Variants in PBX3 observed in about 807,000 individuals in gnomAD.
PBX3 encodes the protein pre-B-cell leukemia transcription factor 3.
A neutral mutation model predicts 48.5 loss-of-function variants in PBX3; 14 were observed. That is an observed-to-expected ratio of 0.29 (90% confidence interval 0.19 to 0.45). The LOEUF (loss-of-function observed/expected upper bound fraction) is 0.45. Ranked by LOEUF, PBX3 falls within the 20% of genes least tolerant of loss-of-function variation. PBX3 has a pLI of 1.00. For synonymous variants in PBX3, 210 were observed against 200.3 expected, an observed-to-expected ratio of 1.05 and a Z score of -0.41; for missense variants, 386 against 546.7, an observed-to-expected ratio of 0.71 and a Z score of 2.93.
intron 8 of PBX3, among the ~76,000 whole-genome samples, chr9:125,963,482 C>G (rs1170908745): frequency 6.6e-6 from 1 of 152,186 alleles, no homozygotes; most frequent in Non-Finnish European, 1.5e-5. Context: ...GAATCCCAGG[C>G]AGACCAGCAA....
rs576730363 is a variant in PBX3, at chr9:125,867,835, T to C, written c.275-47851T>C. 4.9e-3 allele frequency among the ~76,000 whole-genome samples: 728 copies of C among 149,072 alleles called. 1 individual carries two copies. The highest frequency in any genetic ancestry group is 0.021 in the Middle Eastern group (6 of 290). Reference sequence around the variant, plus strand: ...ATATATATACACATACATATATATATACACACACACACATACATATATTTG... The same window carrying C: ...ATATATATACACATACATATATATACACACACACACACATACATATATTTG... On this transcript the variant is annotated intron_variant, in intron 2 of 8. Coordinates refer to ENST00000373489, the MANE Select transcript of PBX3 (RefSeq NM_006195.6).
intron 2 of PBX3, among the ~76,000 whole-genome samples, chr9:125,821,185 T>A (rs1410825229): frequency 3.9e-5 from 6 of 152,130 alleles, no homozygotes; most frequent in African/African-American, 1.4e-4. Flanking sequence ...CTTTTTATAG[T>A]ACCAGTATAT....
chr9:125,771,298 T>C (rs1187075127), intron 2 of PBX3, among the ~76,000 whole-genome samples: 1 of 152,244 alleles, frequency 6.6e-6, no homozygotes, highest in African/African-American at 2.4e-5. Flanking sequence ...CAAACAATGC[T>C]GTAAACTTTA....
intron 2 of PBX3, among the ~76,000 whole-genome samples, chr9:125,789,783 T>C (rs558310886): frequency 6.6e-5 from 10 of 152,282 alleles, no homozygotes; most frequent in Admixed American, 5.2e-4. Flanking sequence ...ATCCATTTTA[T>C]TATTTAATAG....
At chr9:125,776,090 T>C (rs975260496) in intron 2 of PBX3, among the ~76,000 whole-genome samples, 1 of 152,232 alleles carries the variant, frequency 6.6e-6, no homozygotes, top group African/African-American at 2.4e-5. Flanking sequence ...TATTTCTTCT[T>C]CTTTCCTCAA....
chr9:125,955,188 G>GTTTCAGCTCTGTCTCCA (rs371277369), intron 5 of PBX3, among the ~76,000 whole-genome samples: 4 of 152,286 alleles, frequency 2.6e-5, no homozygotes, highest in South Asian at 4.1e-4. Flanking sequence ...CTCAGGCTCC[G>GTTTCAGCTCTGTCTCCA]TTTCAGCTCT....
At chr9:125,894,460 A>G (rs1185150154) in intron 2 of PBX3, among the ~76,000 whole-genome samples, 1 of 152,058 alleles carries the variant, frequency 6.6e-6, no homozygotes, top group Non-Finnish European at 1.5e-5. Flanking sequence ...TCCTATTAAG[A>G]TATGCATTTG....
intron 5 of PBX3, among the ~76,000 whole-genome samples, chr9:125,954,496 G>A (rs934159105): frequency 4.6e-5 from 7 of 152,098 alleles, no homozygotes; most frequent in African/African-American, 7.2e-5. Flanking sequence ...AGAACAAAAA[G>A]AAGAGCATAA....
At chr9:125,924,507 A>G (rs1321597516) in intron 3 of PBX3, among the ~76,000 whole-genome samples, 1 of 152,242 alleles carries the variant, frequency 6.6e-6, no homozygotes, top group African/African-American at 2.4e-5. Context: ...TGTTGCAATG[A>G]GAAGCCTGAA....
chr9:125,901,087 A>G (rs148245072), intron 2 of PBX3, among the ~76,000 whole-genome samples: 3,434 of 151,832 alleles, frequency 0.023, 56 homozygotes, highest in South Asian at 0.041. Flanking sequence ...GAATTTGAAA[A>G]CTGAAAGAAA....
intron 2 of PBX3, among the ~76,000 whole-genome samples, chr9:125,881,467 A>C (rs141647419): frequency 4.1e-4 from 62 of 152,348 alleles, no homozygotes; most frequent in African/African-American, 1.4e-3. Flanking sequence ...GCAGAATTTA[A>C]AAACAATAAT....
At chr9:125,955,245 C>T (rs555373741) in intron 5 of PBX3, among the ~76,000 whole-genome samples, 3 of 152,028 alleles carry the variant, frequency 2.0e-5, no homozygotes, top group African/African-American at 4.8e-5. Context: ...TGCGAGCCCC[C>T]CTTCAGGCTT....
At chr9:125,774,745 AT>A (rs1250887514) in intron 2 of PBX3, among the ~76,000 whole-genome samples, 1 of 151,906 alleles carries the variant, frequency 6.6e-6, no homozygotes, top group Non-Finnish European at 1.5e-5. Context: ...CCTGTTTTCA[AT>A]TCTTTTGGTG....
At chr9:125,788,276 C>T (rs1223757896) in intron 2 of PBX3, among the ~76,000 whole-genome samples, 1 of 152,156 alleles carries the variant, frequency 6.6e-6, no homozygotes, top group African/African-American at 2.4e-5. Flanking sequence ...TTACTAAATT[C>T]TTATTCTGGG....
intron 2 of PBX3, among the ~76,000 whole-genome samples, chr9:125,875,287 CT>C (rs1172917998): frequency 6.6e-6 from 1 of 151,962 alleles, no homozygotes; most frequent in East Asian, 1.9e-4. Flanking sequence ...ATTTTTTGAG[CT>C]TTTCTCATTA....
intron 2 of PBX3, among the ~76,000 whole-genome samples, chr9:125,893,774 A>T (rs889965238): frequency 6.6e-6 from 1 of 152,222 alleles, no homozygotes; most frequent in Non-Finnish European, 1.5e-5. Context: ...CTTGATGTGC[A>T]GCACACCTGT....
At chr9:125,925,934 T>C (rs1485173224) in intron 3 of PBX3, among the ~76,000 whole-genome samples, 1 of 152,196 alleles carries the variant, frequency 6.6e-6, no homozygotes, top group Non-Finnish European at 1.5e-5. Flanking sequence ...AAAAAGTTTT[T>C]AAGATTTTGG....
At chr9:125,761,988 CA>C (rs1836680809) in intron 2 of PBX3, among the ~76,000 whole-genome samples, 1 of 152,122 alleles carries the variant, frequency 6.6e-6, no homozygotes, top group South Asian at 2.1e-4. Context: ...CATATTAAGG[CA>C]AAAATGTGAA....
intron 2 of PBX3, among the ~76,000 whole-genome samples, chr9:125,868,869 G>A (rs1840050888): frequency 6.6e-6 from 1 of 152,140 alleles, no homozygotes; most frequent in African/African-American, 2.4e-5. Flanking sequence ...CTGGAGGAAA[G>A]CACTTAAAAC....
Sources: allele counts gnomAD v4.1 joint callset (sites outside exome capture counted in the v4.1 genomes callset), GRCh38; gene constraint gnomAD v4.1.1; transcripts MANE v1.5; gene names NCBI Gene and HGNC (gene_info 2026-07-23, HGNC 2026-07-21).